The following WSB2 variants were observed in gnomAD, a reference collection of about 807,000 sequenced individuals.
WSB2 encodes WD repeat and SOCS box containing 2.
A neutral mutation model predicts 48.8 loss-of-function variants in WSB2; 12 were observed. The ratio of observed to expected loss-of-function variants is 0.25; its 90% CI spans 0.16 to 0.40. The LOEUF (loss-of-function observed/expected upper bound fraction) is 0.40. Among genes scored for constraint, WSB2 ranks in the 10% least tolerant of loss-of-function variants. The pLI is 1.00. For missense variants in WSB2, 317 were observed against 506.2 expected (o/e 0.63, Z 3.59); for synonymous variants, 191 against 203.1 (o/e 0.94, Z 0.51).
intron 2 of WSB2, among the ~76,000 whole-genome samples, chr12:118,044,481 C>T (rs1439861770): frequency 1.3e-5 from 2 of 152,094 alleles, no homozygotes; most frequent in African/African-American, 2.4e-5. Flanking sequence ...TAATTTCCAC[C>T]TTCACTCACG....
At chr12:118,035,435 T>C in intron 6 of WSB2, 111 bp from the exon 7 acceptor site, 2 of 843,062 alleles carry the variant, frequency 2.4e-6, no homozygotes, top group Non-Finnish European at 1.9e-6. Context: ...GGGCTCAAGA[T>C]GCATTGTGTG....
chr12:118,046,972 T>C (rs1355101005), intron 2 of WSB2, among the ~76,000 whole-genome samples: 1 of 152,120 alleles, frequency 6.6e-6, no homozygotes, highest in Non-Finnish European at 1.5e-5. Flanking sequence ...GGTCTCACTA[T>C]GCTGCCCAGG....
rs1357231831 is a variant in WSB2, at chr12:118,061,056, G to A, written c.-8C>T. 3 of 984,344 alleles carry A rather than the reference G, an allele frequency of 3.0e-6. No individual in the cohort carries two copies. Among genetic ancestry groups the A allele is most frequent in the Non-Finnish European group, 2.4e-6 (2 of 830,578 alleles). The allele number at this position is 984,344 out of a possible 1,614,324, so 61.0% of individuals were successfully genotyped here. A position where few individuals can be genotyped will look rare whatever the true frequency, so the allele number is the denominator to read the frequency against. Reference sequence around the variant, plus strand: ...CTCACCTCCGGCCTCCATGGAGGACGCGAGCGGCCCCCGCGGCAGGCGGCG... The same window carrying A: ...CTCACCTCCGGCCTCCATGGAGGACACGAGCGGCCCCCGCGGCAGGCGGCG... On this transcript the variant is annotated 5_prime_UTR_variant, in exon 1 of 9. Coordinates refer to ENST00000315436, the MANE Select transcript of WSB2 (RefSeq NM_018639.5).
rs2032046707 is a variant in WSB2, at chr12:118,060,778, C to A, written c.13+258G>T. ...CTCTGTCCCGGTCGGGGGATCTCCT[C>A]CCGCAGAAGCCCGATCTTCCCGATC... On this transcript the variant is annotated intron_variant, in intron 1 of 8. Transcript: ENST00000315436. The surrounding 1 kb of genome is among the most constrained non-coding windows in gnomAD (Gnocchi z 4.1). Among the ~76,000 whole-genome samples the A allele has an allele frequency of 6.6e-6, 1 of 152,056 alleles. No homozygotes were observed. Among genetic ancestry groups the A allele is most frequent in the South Asian group, 2.1e-4 (1 of 4,830 alleles).
intron 5 of WSB2, 35 bp downstream of exon 5, chr12:118,038,253 C>T: frequency 6.3e-7 from 1 of 1,591,182 alleles, no homozygotes; most frequent in Non-Finnish European, 8.6e-7. Context: ...ACCTCCATGT[C>T]TCAGTGAATT....
intron 1 of WSB2, among the ~76,000 whole-genome samples, chr12:118,059,122 T>TA (rs1267427804): frequency 6.6e-6 from 1 of 152,194 alleles, no homozygotes; most frequent in African/African-American, 2.4e-5. Context: ...CACATGTGGT[T>TA]ACCAACCACT....
Position 118,032,894 on chromosome 12 carries a change from CAG to C in WSB2, c.*1300_*1301del, listed in dbSNP as rs912457837. ...TTTTTCTTAATGGAAAAAAATGAAA[CAG>C]AGAGCCAAAAGCTTTTAACTGTTGT... On this transcript the variant is annotated 3_prime_UTR_variant, in exon 9 of 9. Coordinates refer to ENST00000315436, the MANE Select transcript of WSB2 (RefSeq NM_018639.5). 4 of 151,540 alleles carry C rather than the reference CAG, an allele frequency of 2.6e-5. No individual in the cohort carries two copies. Among genetic ancestry groups the C allele is most frequent in the African/African-American group, 7.3e-5 (3 of 41,204 alleles). The allele number at this position is 151,540 out of a possible 1,614,324, so 9.4% of individuals were successfully genotyped here.
intron 1 of WSB2, among the ~76,000 whole-genome samples, chr12:118,054,947 G>A (rs1241108754): frequency 6.7e-6 from 1 of 149,468 alleles, no homozygotes; most frequent in East Asian, 2.0e-4. Flanking sequence ...GGTAGGCCGA[G>A]ATGGGATGAT....
chr12:118,042,912 G>A lies in WSB2; in HGVS notation c.488C>T (p.Pro163Leu), dbSNP rs1278724807. The part of the protein sequence containing the change: ...QDVVRDLSFT[P>L]SGSLILVSAS... ...GGAGACCAAAATCAAACTGCCACTG[G>A]GTGTGAAGCTCAGATCTCTCACGAC... Residue 163 changes from proline (P) to leucine (L), a missense_variant, in exon 4 of 9, where the codon CCC (proline) becomes CTC (leucine). Physicochemically the swap from Pro to Leu is moderately conservative, Grantham distance 98. Coordinates refer to ENST00000315436, the MANE Select transcript of WSB2 (RefSeq NM_018639.5). The A allele has an allele frequency of 1.2e-6, 2 of 1,614,148 alleles. No individual in the cohort carries two copies. Among genetic ancestry groups the A allele is most frequent in the African/African-American group, 2.7e-5 (2 of 75,026 alleles).
Position 118,042,831 on chromosome 12 carries a change from C to T in WSB2, c.559+10G>A. 6.2e-7 allele frequency: 1 copy of T among 1,613,182 alleles called. No homozygotes were observed. The highest frequency in any genetic ancestry group is 8.5e-7 in the Non-Finnish European group (1 of 1,179,620). ...TTGGAGTTGCCGAGTAGTTCCTTCA[C>T]TTCCCATACCGTGTTTATTCAGGTC... On this transcript the variant is annotated intron_variant, in intron 4 of 8. Coordinates refer to ENST00000315436, the MANE Select transcript of WSB2 (RefSeq NM_018639.5).
At position 118,034,776 on chromosome 12, in the gene WSB2, T is replaced by TA. The variant is rs1317426045; in HGVS notation, c.1052+209dup. The TA allele has an allele frequency of 1.4e-5, 8 of 577,076 alleles. No individual in the cohort carries two copies. In the Admixed American group the frequency reaches 1.6e-4, roughly 12 times the overall value. The allele number at this position is 577,076 out of a possible 1,614,324, so 35.7% of individuals were successfully genotyped here. A position where few individuals can be genotyped will look rare whatever the true frequency, so the allele number is the denominator to read the frequency against. On this transcript the variant is annotated intron_variant, in intron 8 of 8. Transcript: ENST00000315436. ...ACTTGGCCCATTAGGTGGCATGACT[T>TA]ACAGATCTTTAATTACATTTAGGTT...
intron 2 of WSB2, among the ~76,000 whole-genome samples, chr12:118,047,344 C>T (rs59151662): frequency 0.029 from 4,428 of 152,110 alleles, 234 homozygotes; most frequent in African/African-American, 0.1. Flanking sequence ...GCAGGGAGGT[C>T]GTACCGTGGG....
At chr12:118,044,145 A>C (rs1191003647) in intron 2 of WSB2, among the ~76,000 whole-genome samples, 1 of 152,048 alleles carries the variant, frequency 6.6e-6, no homozygotes, top group East Asian at 1.9e-4. Context: ...TGATGTTAAC[A>C]CAGGCTATAC....
In WSB2 at chr12:118,034,340, G is replaced by T. The variant is rs1250976470; in HGVS notation, c.1071C>A (p.Val357=). 3 of 1,613,970 alleles carry T rather than the reference G, an allele frequency of 1.9e-6. No homozygotes were observed. The African/African-American group carries it at 4.0e-5, about 22-fold the overall frequency. ...GGACCCTAGGAGCTGTCCAGAACTG[G>T]ACGTGGCCATCTCTTGTCCTAAAAT... ...VIATGTRDGH[V]QFWTAPRVLS... is the part of the protein sequence containing the mutation. The change falls in exon 9 of 9, where the codon GTC becomes GTA. Residue 357 remains valine (V), a synonymous_variant. Coordinates refer to ENST00000315436, the MANE Select transcript of WSB2 (RefSeq NM_018639.5).
chr12:118,036,528 TG>T lies in WSB2; in HGVS notation c.661-19del. 6.2e-7 allele frequency: 1 copy of T among 1,602,226 alleles called. No homozygotes were observed. Among genetic ancestry groups the T allele is most frequent in the Non-Finnish European group, 8.5e-7 (1 of 1,172,370 alleles). ...AGAAAGACCTGTGGAAAGTAAGAAG[TG>T]CCTGGTTAGGGCAGAAGCAAAGTGC... On this transcript the variant is annotated intron_variant, in intron 5 of 8. Transcript: ENST00000315436.
intron 4 of WSB2, among the ~76,000 whole-genome samples, chr12:118,041,619 C>T (rs925561168): frequency 6.6e-6 from 1 of 152,042 alleles, no homozygotes; most frequent in Non-Finnish European, 1.5e-5. Context: ...CCTTCCAATC[C>T]CTCCAGCCCC....
chr12:118,055,207 C>A (rs2031933430), intron 1 of WSB2, among the ~76,000 whole-genome samples: 1 of 152,006 alleles, frequency 6.6e-6, no homozygotes, highest in Non-Finnish European at 1.5e-5. Flanking sequence ...GGCTAGTTTG[C>A]CCCTTAAGGA....
In WSB2 at chr12:118,060,038, A is replaced by G. The variant is rs945725467; in HGVS notation, c.13+998T>C. Among the ~76,000 whole-genome samples the G allele has an allele frequency of 1.3e-5, 2 of 152,202 alleles. No individual in the cohort carries two copies. The highest frequency in any genetic ancestry group is 4.8e-5 in the African/African-American group (2 of 41,448). On this transcript the variant is annotated intron_variant, in intron 1 of 8. Transcript: ENST00000315436. This position sits in a 1 kb window ranked among gnomAD's most constrained non-coding sequence, Gnocchi z 4.1. Reference sequence around the variant, plus strand: ...AGTTCTGGAACAAATTCTGAGCCCTAGGCCTTGAACCTGCTCTGAAAATTT... The same window carrying G: ...AGTTCTGGAACAAATTCTGAGCCCTGGGCCTTGAACCTGCTCTGAAAATTT...
At chr12:118,041,921 A>G (rs2031645755) in intron 4 of WSB2, among the ~76,000 whole-genome samples, 1 of 151,356 alleles carries the variant, frequency 6.6e-6, no homozygotes, top group East Asian at 1.9e-4. Flanking sequence ...CGCCCAGCTC[A>G]TTTTTGTATT....
Sources: gnomAD v4.1 joint callset for allele counts (sites outside exome capture counted in the v4.1 genomes callset) on GRCh38, gnomAD v4.1.1 for gene constraint, Gnocchi (gnomAD v3.1) non-coding constraint, MANE v1.5 for transcripts, NCBI Gene and HGNC (gene_info 2026-07-23, HGNC 2026-07-21) for gene names.